Variants in SCAPER observed in about 807,000 individuals in gnomAD.
SCAPER encodes S-phase cyclin A associated protein in the ER, also known as S phase cyclin A-associated protein in the endoplasmic reticulum.
A neutral mutation model predicts 182.2 loss-of-function variants in SCAPER; 98 were observed. That is an observed-to-expected ratio of 0.54 (90% CI 0.46 to 0.64). The LOEUF (loss-of-function observed/expected upper bound fraction) is 0.64. SCAPER is among the 30% of genes least tolerant of loss of function. SCAPER has a pLI of 0.00. For synonymous variants in SCAPER, 605 were observed against 564.6 expected, an observed-to-expected ratio of 1.07 and a Z score of -1.01; for missense variants, 1,432 against 1,690.0, an observed-to-expected ratio of 0.85 and a Z score of 2.68.
chr15:76,424,796 C>G (rs1272080266), intron 26 of SCAPER, among the ~76,000 whole-genome samples: 1 of 152,128 alleles, frequency 6.6e-6, no homozygotes. Context: ...TTCAGGAACT[C>G]TTGTAGGGGA....
intron 24 of SCAPER, among the ~76,000 whole-genome samples, chr15:76,487,824 C>T (rs1051515711): frequency 6.6e-6 from 1 of 152,182 alleles, no homozygotes; most frequent in African/African-American, 2.4e-5. Flanking sequence ...CTTAACTCCA[C>T]TAGTCTTTGA....
chr15:76,837,782 C>T (rs2069085876), intron 5 of SCAPER, among the ~76,000 whole-genome samples: 2 of 152,110 alleles, frequency 1.3e-5, no homozygotes, highest in Non-Finnish European at 2.9e-5. Context: ...CAAAAGAATA[C>T]ACACACGAGC....
chr15:76,470,425 T>C (rs146214781), intron 25 of SCAPER, among the ~76,000 whole-genome samples: 132 of 152,302 alleles, frequency 8.7e-4, no homozygotes, highest in Admixed American at 2.7e-3. Context: ...GGTAAAGGAC[T>C]GCAAAATGCA....
At chr15:76,739,403 G>C (rs893698055) in intron 15 of SCAPER, among the ~76,000 whole-genome samples, 1 of 152,090 alleles carries the variant, frequency 6.6e-6, no homozygotes, top group Non-Finnish European at 1.5e-5. Flanking sequence ...ACTTCTGTTT[G>C]GCATATCCAA....
intron 22 of SCAPER, among the ~76,000 whole-genome samples, chr15:76,606,570 T>C (rs1417495119): frequency 2.0e-5 from 3 of 151,828 alleles, no homozygotes; most frequent in African/African-American, 7.3e-5. Flanking sequence ...CTGGATATCC[T>C]TGTTAACTTT....
chr15:76,635,118 T>G (rs1180598003), intron 21 of SCAPER, among the ~76,000 whole-genome samples: 1 of 152,160 alleles, frequency 6.6e-6, no homozygotes, highest in Non-Finnish European at 1.5e-5. Context: ...GAAAAATTAA[T>G]GAAAACAAGG....
intron 23 of SCAPER, among the ~76,000 whole-genome samples, chr15:76,568,341 G>A (rs2047194687): frequency 6.6e-6 from 1 of 151,662 alleles, no homozygotes; most frequent in Non-Finnish European, 1.5e-5. Context: ...ATACTTGGTA[G>A]AGCAAATCTT....
At chr15:76,722,476 T>G (rs1233872945) in intron 17 of SCAPER, among the ~76,000 whole-genome samples, 1 of 152,216 alleles carries the variant, frequency 6.6e-6, no homozygotes, top group Non-Finnish European at 1.5e-5. Context: ...CTTTTTCTAT[T>G]GATTGCAATA....
At chr15:76,819,209 G>A (rs1341731478) in intron 5 of SCAPER, among the ~76,000 whole-genome samples, 4 of 152,364 alleles carry the variant, frequency 2.6e-5, no homozygotes, top group Middle Eastern at 3.4e-3. Flanking sequence ...AGACTTTAAT[G>A]TCCCTCTCTG....
intron 2 of SCAPER, among the ~76,000 whole-genome samples, chr15:76,871,118 C>T (rs2072695247): frequency 6.6e-6 from 1 of 151,924 alleles, no homozygotes; most frequent in South Asian, 2.1e-4. Context: ...TATTTAAAAA[C>T]TAATAAAAGG....
chr15:76,545,997 G>C (rs2045248932), intron 23 of SCAPER, among the ~76,000 whole-genome samples: 1 of 152,150 alleles, frequency 6.6e-6, no homozygotes, highest in South Asian at 2.1e-4. Flanking sequence ...CTGAAGTCCT[G>C]ATCAGCCAGC....
intron 20 of SCAPER, among the ~76,000 whole-genome samples, chr15:76,674,315 C>A (rs1473490852): frequency 1.3e-5 from 2 of 152,070 alleles, no homozygotes; most frequent in Non-Finnish European, 2.9e-5. Context: ...TATAGTCTTA[C>A]CAAATGGATC....
intron 22 of SCAPER, among the ~76,000 whole-genome samples, chr15:76,608,954 C>T (rs1353545489): frequency 6.6e-6 from 1 of 152,178 alleles, no homozygotes; most frequent in Non-Finnish European, 1.5e-5. Context: ...AGGGAATTCC[C>T]TGACCCCTTG....
intron 25 of SCAPER, among the ~76,000 whole-genome samples, chr15:76,466,356 C>T (rs1173793564): frequency 1.4e-5 from 2 of 145,094 alleles, no homozygotes; most frequent in Non-Finnish European, 3.0e-5. Context: ...TGCTGTTGAA[C>T]CCCTATTGTG....
At position 76,468,366 on chromosome 15, in the gene SCAPER, AG is replaced by A. The variant is rs2049856245; in HGVS notation, c.3078+2845del. 2.0e-5 allele frequency among the ~76,000 whole-genome samples: 3 copies of A among 152,314 alleles called. No homozygotes were observed. The South Asian group carries it at 6.2e-4, about 32-fold the overall frequency. On this transcript the variant is annotated intron_variant, in intron 25 of 31. Coordinates refer to ENST00000563290, the MANE Select transcript of SCAPER (RefSeq NM_020843.4). ...TGGCAAACTAATGTCCCAGGATCCC[AG>A]TTCCAAACTAAGCAAAATTCATGGG...
chr15:76,366,505 GAAAT>G (rs1488785810), intron 29 of SCAPER, among the ~76,000 whole-genome samples: 2 of 152,194 alleles, frequency 1.3e-5, no homozygotes, highest in Non-Finnish European at 2.9e-5. Flanking sequence ...TTTCTCAAGT[GAAAT>G]AAATGGTCTC....
intron 25 of SCAPER, among the ~76,000 whole-genome samples, chr15:76,443,420 G>C (rs771808234): frequency 2.2e-4 from 33 of 152,108 alleles, no homozygotes; most frequent in Non-Finnish European, 3.2e-4. Context: ...GTGAAGCTTG[G>C]GTGGAAGAAT....
intron 28 of SCAPER, among the ~76,000 whole-genome samples, chr15:76,379,391 A>G (rs2042786412): frequency 6.6e-6 from 1 of 152,244 alleles, no homozygotes; most frequent in Non-Finnish European, 1.5e-5. Context: ...GAACCAGTCA[A>G]GAAAGGACAT....
At chr15:76,442,841 C>CA (rs2047710042) in intron 25 of SCAPER, among the ~76,000 whole-genome samples, 1 of 152,144 alleles carries the variant, frequency 6.6e-6, no homozygotes, top group East Asian at 1.9e-4. Flanking sequence ...AGGATGGACT[C>CA]AATCTCTGAG....
Sources: allele counts gnomAD v4.1 joint callset (sites outside exome capture counted in the v4.1 genomes callset), GRCh38; gene constraint gnomAD v4.1.1; transcripts MANE v1.5; gene names NCBI Gene and HGNC (gene_info 2026-07-23, HGNC 2026-07-21).